Variants in LRP4 observed in about 807,000 individuals in gnomAD.
The protein encoded by LRP4 is LDL receptor related protein 4.
In LRP4, 95 loss-of-function variants were observed where a neutral mutation model predicts 220.3. That is an observed-to-expected ratio of 0.43 (90% confidence interval 0.37 to 0.51). The LOEUF is 0.51. LRP4 is among the 20% of genes least tolerant of loss of function. The pLI is 0.00. For synonymous variants in LRP4, 903 were observed against 954.6 expected, an observed-to-expected ratio of 0.95 and a Z score of 1.00; for missense variants, 1,925 against 2,567.0, an observed-to-expected ratio of 0.75 and a Z score of 5.40.
chr11:46,894,965 C>A, intron 11 of LRP4, 146 bp from the exon 12 acceptor site: 1 of 1,040,264 alleles, frequency 9.6e-7, no homozygotes, highest in East Asian at 2.5e-5. Flanking sequence ...AGAGTGGCAA[C>A]CTTTAAACTA....
chr11:46,913,662 T>C (rs2134889568), intron 1 of LRP4, among the ~76,000 whole-genome samples: 1 of 151,716 alleles, frequency 6.6e-6, no homozygotes, highest in East Asian at 1.9e-4. Flanking sequence ...GCTACAAGAG[T>C]CCCTGGCCAG....
intron 37 of LRP4, among the ~76,000 whole-genome samples, chr11:46,861,545 T>TTTTTTTTTG (rs1940550438): frequency 1.4e-5 from 2 of 140,332 alleles, no homozygotes; most frequent in Non-Finnish European, 1.6e-5. Flanking sequence ...TTTTTTTTTT[T>TTTTTTTTTG]GAGACAGGGT....
chr11:46,885,934 G>A (rs942391155), intron 18 of LRP4, among the ~76,000 whole-genome samples, 157 bp downstream of exon 18: 3 of 152,168 alleles, frequency 2.0e-5, no homozygotes, highest in Admixed American at 6.5e-5. Flanking sequence ...TTCTCACTTC[G>A]GCTCTGCAGC....
Position 46,873,906 on chromosome 11 carries a change from T to C in LRP4, c.4230-313A>G. The C allele has an allele frequency of 2.6e-6, 1 of 384,456 alleles. No individual in the cohort carries two copies. Among genetic ancestry groups the C allele is most frequent in the Non-Finnish European group, 4.7e-6 (1 of 214,718 alleles). 23.8% of individuals were successfully genotyped at this position (384,456 alleles called of 1,614,324 possible). A position where few individuals can be genotyped will look rare whatever the true frequency, so the allele number is the denominator to read the frequency against. ...ACCTTTGGGAAGAGACAAGGATTGCTAGGTGGTGATGATAAGAAACGCAGA... is the reference window on the plus strand; with the variant it reads ...ACCTTTGGGAAGAGACAAGGATTGCCAGGTGGTGATGATAAGAAACGCAGA... On this transcript the variant is annotated intron_variant, in intron 28 of 37. Coordinates refer to ENST00000378623, the MANE Select transcript of LRP4 (RefSeq NM_002334.4). This position sits in a 1 kb window ranked among gnomAD's most constrained non-coding sequence, Gnocchi z 4.2.
Position 46,895,172 on chromosome 11 carries a change from C to G in LRP4, c.1303G>C (p.Ala435Pro). The G allele has an allele frequency of 2.5e-6, 4 of 1,614,018 alleles. No individual in the cohort carries two copies. The highest frequency in any genetic ancestry group is 3.4e-6 in the Non-Finnish European group (4 of 1,180,052). ...AAGTGCCAACAGCCCTTACCCAGAGCCTTGCAGCTGCGCCGGTCGGGCCGT... is the reference window on the plus strand; with the variant it reads ...AAGTGCCAACAGCCCTTACCCAGAGGCTTGCAGCTGCGCCGGTCGGGCCGT... ...ELRPDRRSCK[A>P]LGPEPVLLFA... The change falls in exon 11 of 38, where the codon GCT becomes CCT. Residue 435 changes from alanine to proline, a missense_variant. Ala to Pro is a conservative substitution (Grantham distance 27). This residue lies in a region of LRP4 where 269 missense variants were observed against 436.7 expected (regional missense o/e 0.62). Transcript: ENST00000378623.
At chr11:46,871,303 C>T (rs1241185681) in intron 31 of LRP4, among the ~76,000 whole-genome samples, 1 of 152,122 alleles carries the variant, frequency 6.6e-6, no homozygotes, top group African/African-American at 2.4e-5. Flanking sequence ...TCTTTGAGAG[C>T]CACTCCTTTG....
intron 2 of LRP4, 29 bp downstream of exon 2, chr11:46,902,754 C>T (rs201412956): frequency 6.4e-5 from 104 of 1,613,606 alleles, no homozygotes; most frequent in Non-Finnish European, 8.4e-5. Flanking sequence ...CTCTCCACCA[C>T]CTCCCACTGC....
rs561689236 is a variant in LRP4, at chr11:46,918,172, C to A, written c.52+156G>T. ...CCCGCTCGGACTGCTGGAGCCGGGG[C>A]CGCTCCGGGTCCTCTCCCCTGCACG... is the stretch of plus-strand genomic sequence containing the variant. On this transcript the variant is annotated intron_variant, in intron 1 of 37. Transcript: ENST00000378623. The surrounding 1 kb of genome is among the most constrained non-coding windows in gnomAD (Gnocchi z 6.0). Among the ~76,000 whole-genome samples the A allele has an allele frequency of 2.6e-5, 4 of 152,138 alleles. No individual in the cohort carries two copies. The highest frequency in any genetic ancestry group is 9.6e-5 in the African/African-American group (4 of 41,540).
At chr11:46,864,604 G>C in intron 35 of LRP4, 69 bp from the exon 36 acceptor site, 2 of 1,087,558 alleles carry the variant, frequency 1.8e-6, no homozygotes, top group Non-Finnish European at 2.8e-6. Context: ...TGTGAGGAAT[G>C]GAAAGCTGAA....
chr11:46,896,461 G>T, intron 8 of LRP4, 126 bp from the exon 9 acceptor site: 1 of 1,158,006 alleles, frequency 8.6e-7, no homozygotes, highest in Non-Finnish European at 1.3e-6. Context: ...AGGGTCCTGG[G>T]CAGGAAGCAG....
rs748001051 is a variant in LRP4 at position 46,871,495 on chromosome 11, G to T, written c.4692+30C>A. On this transcript the variant is annotated intron_variant, in intron 31 of 37. Coordinates refer to ENST00000378623, the MANE Select transcript of LRP4 (RefSeq NM_002334.4). ...CCCAAAGAAACATCCCAGTCAAGGA[G>T]GTTTAGTTACCTCTCTCCTGAGCCA... The T allele has an allele frequency of 6.9e-6, 10 of 1,454,842 alleles. No individual in the cohort carries two copies. The Admixed American group carries it at 1.7e-4, about 25-fold the overall frequency. 90.1% of individuals were successfully genotyped at this position (1,454,842 alleles called of 1,614,324 possible). A position where few individuals can be genotyped will look rare whatever the true frequency, so the allele number is the denominator to read the frequency against.
intron 25 of LRP4, 26 bp downstream of exon 25, chr11:46,876,440 C>G (rs200735860): frequency 2.1e-4 from 333 of 1,613,462 alleles, no homozygotes; most frequent in Non-Finnish European, 2.8e-4. Flanking sequence ...CCCCACACTA[C>G]CCAGTGCGAT....
In LRP4 at chr11:46,900,318, G is replaced by A. The variant is rs376802865; in HGVS notation, c.260C>T (p.Ser87Phe). The change falls in exon 3 of 38, where the codon TCC becomes TTC. Residue 87 changes from serine to phenylalanine, a missense_variant. Ser to Phe is a radical substitution (Grantham distance 155). Transcript: ENST00000378623. The part of the protein sequence containing the change: ...HCDNGKCIRR[S>F]WVCDGDNDCE... ...GTCGTTGTCCCCGTCACACACCCAG[G>A]AGCGGCGGATGCACTTGCCATTGTC... is the stretch of plus-strand genomic sequence containing the variant. 6 of 1,614,022 alleles carry A rather than the reference G, an allele frequency of 3.7e-6. No homozygotes were observed. In the African/African-American group the frequency reaches 6.7e-5, roughly 18 times the overall value.
intron 20 of LRP4, among the ~76,000 whole-genome samples, chr11:46,879,536 T>C (rs1335977882): frequency 6.6e-6 from 1 of 152,248 alleles, no homozygotes; most frequent in Non-Finnish European, 1.5e-5. Flanking sequence ...TTGGAAGATG[T>C]TGGAAGTCAT....
chr11:46,866,148 A>C (rs998530344), intron 34 of LRP4, among the ~76,000 whole-genome samples: 1 of 152,124 alleles, frequency 6.6e-6, no homozygotes, highest in African/African-American at 2.4e-5. Flanking sequence ...GAAAAAAAAA[A>C]AAACTGTTCT....
intron 1 of LRP4, among the ~76,000 whole-genome samples, chr11:46,912,501 G>A (rs1299216952): frequency 1.3e-5 from 2 of 152,234 alleles, no homozygotes; most frequent in South Asian, 2.1e-4. Context: ...GGAAAACCTG[G>A]GGCTCCCCTT....
rs764941077 is a variant in LRP4 at position 46,894,797 on chromosome 11, G to C, written c.1332C>G (p.Phe444Leu). 1.2e-6 allele frequency: 2 copies of C among 1,614,118 alleles called. No individual in the cohort carries two copies. The highest frequency in any genetic ancestry group is 2.2e-5 in the South Asian group (2 of 91,076). ...KALGPEPVLL[F>L]ANRIDIRQVL... ...CCTGCCGGATGTCGATGCGATTGGCGAACAGCAGCACAGGCTCTGGCCCTG... is the reference window on the plus strand; with the variant it reads ...CCTGCCGGATGTCGATGCGATTGGCCAACAGCAGCACAGGCTCTGGCCCTG... The change falls in exon 12 of 38, where the codon TTC becomes TTG. Residue 444 changes from phenylalanine (F) to leucine (L), a missense_variant. By Grantham distance (22) the Phe-to-Leu change is conservative. Coordinates refer to ENST00000378623, the MANE Select transcript of LRP4 (RefSeq NM_002334.4).
chr11:46,898,104 AC>A (rs1405594107), intron 7 of LRP4, among the ~76,000 whole-genome samples: 5 of 144,590 alleles, frequency 3.5e-5, no homozygotes, highest in East Asian at 2.1e-4. Flanking sequence ...CGGGGGGCTG[AC>A]CCCCCCACCT....
chr11:46,917,568 G>A (rs1248034348), intron 1 of LRP4, among the ~76,000 whole-genome samples: 1 of 152,152 alleles, frequency 6.6e-6, no homozygotes, highest in Non-Finnish European at 1.5e-5. Flanking sequence ...GCCTTCTGGG[G>A]TTCAGGGTTA....
Sources: allele counts gnomAD v4.1 joint callset (sites outside exome capture counted in the v4.1 genomes callset), GRCh38; gene constraint gnomAD v4.1.1; regional missense constraint gnomAD v4.1.1; non-coding constraint Gnocchi (gnomAD v3.1); transcripts MANE v1.5; gene names NCBI Gene and HGNC (gene_info 2026-07-23, HGNC 2026-07-21).